The following NFIA variants were observed in gnomAD, a reference collection of about 807,000 sequenced individuals.
NFIA encodes nuclear factor I A.
NFIA carries 8 observed loss-of-function variants against 62.8 expected under a neutral mutation model. That is an observed-to-expected ratio of 0.13 (90% CI 0.07 to 0.23). The LOEUF (loss-of-function observed/expected upper bound fraction) is 0.23. NFIA is among the 10% of genes least tolerant of loss of function. NFIA has a pLI of 1.00. For missense variants in NFIA, 410 were observed against 642.1 expected, an observed-to-expected ratio of 0.64 and a Z score of 3.91; for synonymous variants, 235 against 238.1, an observed-to-expected ratio of 0.99 and a Z score of 0.12.
In NFIA at chr1:61,112,112, C is replaced by CA. The variant is rs925510536; in HGVS notation, c.559+23436dup. The stretch of plus-strand genomic sequence containing the variant: ...TCTAAGAAGCTTAATCCTATTTGTC[C>CA]AAAATAGAAAGATTTTTTTTTTTTA... On this transcript the variant is annotated intron_variant, in intron 2 of 10. Transcript: ENST00000403491. Among the ~76,000 whole-genome samples, 32 of 98,802 alleles carry CA rather than the reference C, an allele frequency of 3.2e-4. 1 individual carries two copies. Among genetic ancestry groups the CA allele is most frequent in the African/African-American group, 1.0e-3 (27 of 26,550 alleles). 64.8% of individuals were successfully genotyped at this position (98,802 alleles called of 152,430 possible). A position where few individuals can be genotyped will look rare whatever the true frequency, so the allele number is the denominator to read the frequency against.
At chr1:61,213,003 A>G (rs976988335) in intron 2 of NFIA, among the ~76,000 whole-genome samples, 1 of 152,154 alleles carries the variant, frequency 6.6e-6, no homozygotes. Context: ...GCTCCTCTTG[A>G]CTGTTCCACT....
chr1:61,309,564 A>G (rs1027659090), intron 3 of NFIA, among the ~76,000 whole-genome samples: 4 of 152,078 alleles, frequency 2.6e-5, no homozygotes, highest in African/African-American at 9.7e-5. Context: ...CATCAGTTCA[A>G]GGAGTAAAAG....
At chr1:61,360,389 G>C (rs574166825) in intron 6 of NFIA, among the ~76,000 whole-genome samples, 5 of 152,350 alleles carry the variant, frequency 3.3e-5, no homozygotes, top group Admixed American at 1.3e-4. Flanking sequence ...CCTGCTGGCT[G>C]TGTGATTGTG....
At chr1:61,267,261 C>G (rs1331002416) in intron 2 of NFIA, among the ~76,000 whole-genome samples, 1 of 152,126 alleles carries the variant, frequency 6.6e-6, no homozygotes, top group Non-Finnish European at 1.5e-5. Context: ...GTAATCCCAG[C>G]ACTTTGGGAA....
intron 2 of NFIA, among the ~76,000 whole-genome samples, chr1:61,205,901 C>CT (rs199804398): frequency 0.031 from 3,726 of 121,766 alleles, 324 homozygotes; most frequent in East Asian, 0.099. Flanking sequence ...TTTTGCAGCC[C>CT]TTTTTTTTTT....
chr1:61,116,315 G>A (rs1646792931), intron 2 of NFIA, among the ~76,000 whole-genome samples: 1 of 152,136 alleles, frequency 6.6e-6, no homozygotes, highest in South Asian at 2.1e-4. Flanking sequence ...TTCCAGTACT[G>A]CTATAAATAA....
In NFIA at chr1:61,359,223, C is replaced by T. The variant is rs1351851329; in HGVS notation, c.895C>T (p.Arg299Cys). The T allele has an allele frequency of 6.8e-6, 11 of 1,612,736 alleles. No individual in the cohort carries two copies. The highest frequency in any genetic ancestry group is 1.3e-5 in the African/African-American group (1 of 74,866). ...GGAGCCATTTTATACAGGCCAAGGG[C>T]GCTCCCCAGGAAGTGGCAGTCAGTC... ...GEEPFYTGQG[R>C]SPGSGSQSSG... Residue 299 changes from arginine to cysteine, a missense_variant, in exon 6 of 11, where the codon CGC becomes TGC. By Grantham distance (180) the Arg-to-Cys change is radical. This residue lies in a region of NFIA where 298 missense variants were observed against 438.1 expected (regional missense o/e 0.68). Transcript: ENST00000403491.
intron 2 of NFIA, among the ~76,000 whole-genome samples, chr1:61,230,064 T>C (rs1479378531): frequency 1.3e-5 from 2 of 152,284 alleles, no homozygotes; most frequent in East Asian, 3.9e-4. Flanking sequence ...AATGAAATTA[T>C]CACTATTTGG....
chr1:61,376,730 AGTAT>A (rs961250548), intron 6 of NFIA, among the ~76,000 whole-genome samples: 2 of 152,164 alleles, frequency 1.3e-5, no homozygotes, highest in Admixed American at 6.5e-5. Context: ...CTGTTTTTAT[AGTAT>A]ACTAGGGAAA....
intron 6 of NFIA, among the ~76,000 whole-genome samples, chr1:61,364,363 A>T (rs183170303): frequency 2.0e-5 from 3 of 152,246 alleles, no homozygotes; most frequent in Non-Finnish European, 2.9e-5. Flanking sequence ...TGTCTAGCAC[A>T]TAATAGGTAT....
At chr1:61,306,740 A>G (rs1177918556) in intron 3 of NFIA, among the ~76,000 whole-genome samples, 1 of 152,214 alleles carries the variant, frequency 6.6e-6, no homozygotes, top group Non-Finnish European at 1.5e-5. Flanking sequence ...AGTACCACCC[A>G]ACCTCAAAAA....
At chr1:61,142,445 A>G (rs1168479574) in intron 2 of NFIA, among the ~76,000 whole-genome samples, 3 of 152,218 alleles carry the variant, frequency 2.0e-5, no homozygotes, top group Non-Finnish European at 2.9e-5. Flanking sequence ...TACAAGAAGC[A>G]TATTTCAGGA....
At chr1:61,441,369 C>T (rs1453946314) in intron 10 of NFIA, among the ~76,000 whole-genome samples, 2 of 145,560 alleles carry the variant, frequency 1.4e-5, no homozygotes, top group Non-Finnish European at 3.0e-5. Flanking sequence ...CCTGTGCTTC[C>T]GTCTATGCTC....
At chr1:61,447,273 G>A (rs1667853108) in intron 10 of NFIA, among the ~76,000 whole-genome samples, 1 of 152,190 alleles carries the variant, frequency 6.6e-6, no homozygotes, top group African/African-American at 2.4e-5. Context: ...TTCAGACCAG[G>A]AGCCAGCTTT....
upstream of NFIA, among the ~76,000 whole-genome samples, chr1:61,078,589 CCT>C (rs1424883473): frequency 2.1e-4 from 32 of 152,294 alleles, no homozygotes; most frequent in African/African-American, 7.7e-4. Flanking sequence ...AATAGGTAAA[CCT>C]CTCTTCTTGA....
chr1:61,429,645 G>T (rs1667016046), intron 10 of NFIA, among the ~76,000 whole-genome samples: 1 of 152,192 alleles, frequency 6.6e-6, no homozygotes, highest in South Asian at 2.1e-4. Flanking sequence ...CTCCACAATA[G>T]CCAAAAGGTG....
chr1:61,301,168 A>G (rs535707661), intron 3 of NFIA, among the ~76,000 whole-genome samples: 70 of 112,632 alleles, frequency 6.2e-4, no homozygotes, highest in African/African-American at 1.7e-3. Flanking sequence ...ACACCGGGTG[A>G]TATGCTAACA....
chr1:61,186,927 A>G (rs1319296303), intron 2 of NFIA, among the ~76,000 whole-genome samples: 1 of 151,904 alleles, frequency 6.6e-6, no homozygotes, highest in African/African-American at 2.4e-5. Context: ...GTACATTTTC[A>G]CTCTTAGGAC....
chr1:61,363,602 CAA>C (rs10624027), intron 6 of NFIA, among the ~76,000 whole-genome samples: 36 of 141,792 alleles, frequency 2.5e-4, no homozygotes, highest in South Asian at 6.8e-4. Flanking sequence ...AAAACTCCGT[CAA>C]AAAAAAAAAA....
Sources: allele counts gnomAD v4.1 joint callset (sites outside exome capture counted in the v4.1 genomes callset), GRCh38; gene constraint gnomAD v4.1.1; regional missense constraint gnomAD v4.1.1; transcripts MANE v1.5; gene names NCBI Gene and HGNC (gene_info 2026-07-23, HGNC 2026-07-21).